RBM26: variants seen among roughly 807,000 people sequenced by gnomAD.
RBM26 encodes RNA binding motif protein 26.
Under a neutral mutation model 123.6 loss-of-function variants are expected in RBM26, and 30 were observed. That is an observed-to-expected ratio of 0.24 (90% CI 0.18 to 0.33). The LOEUF (loss-of-function observed/expected upper bound fraction) is 0.33, where lower values mean the gene tolerates loss of function less well. Ranked by LOEUF, RBM26 falls within the 10% of genes least tolerant of loss-of-function variation. The pLI is 1.00. For missense variants in RBM26, 947 were observed against 1,203.6 expected (o/e 0.79, Z 3.15); for synonymous variants, 400 against 404.4 (o/e 0.99, Z 0.13).
chr13:79,373,338 TATTA>T (rs1178976508), intron 3 of RBM26, among the ~76,000 whole-genome samples: 8 of 105,228 alleles, frequency 7.6e-5, no homozygotes, highest in Admixed American at 1.4e-4. Flanking sequence ...ATAAAATATA[TATTA>T]TATATAAATA....
At chr13:79,327,260 C>T (rs2068570033) in intron 20 of RBM26, among the ~76,000 whole-genome samples, 1 of 147,860 alleles carries the variant, frequency 6.8e-6, no homozygotes, top group African/African-American at 2.5e-5. Context: ...CAGACCACTG[C>T]ACTCTAGCCT....
At chr13:79,395,579 A>C (rs1167726753) in intron 1 of RBM26, among the ~76,000 whole-genome samples, 1 of 152,046 alleles carries the variant, frequency 6.6e-6, no homozygotes, top group Non-Finnish European at 1.5e-5. Context: ...ATCTCTACAA[A>C]AAAAAATAAA....
chr13:79,394,362 C>A (rs1251636827), intron 1 of RBM26, among the ~76,000 whole-genome samples: 2 of 152,148 alleles, frequency 1.3e-5, no homozygotes, highest in East Asian at 3.9e-4. Flanking sequence ...AAGAGAAATT[C>A]TTCTGCCATT....
intron 1 of RBM26, among the ~76,000 whole-genome samples, chr13:79,385,825 A>C (rs1376871385): frequency 6.6e-6 from 1 of 152,102 alleles, no homozygotes; most frequent in Non-Finnish European, 1.5e-5. Flanking sequence ...AAATCATATC[A>C]CCAGGACTCT....
At chr13:79,380,968 A>G (rs1407887713) in intron 1 of RBM26, among the ~76,000 whole-genome samples, 1 of 152,140 alleles carries the variant, frequency 6.6e-6, no homozygotes, top group Non-Finnish European at 1.5e-5. Context: ...AAAGAATGAT[A>G]TAATTGTTTA....
At chr13:79,359,169 C>G (rs1231819593) in intron 10 of RBM26, among the ~76,000 whole-genome samples, 1 of 152,096 alleles carries the variant, frequency 6.6e-6, no homozygotes, top group Non-Finnish European at 1.5e-5. Context: ...CCTCTCCAAC[C>G]CCCACAAAAG....
chr13:79,351,940 G>A (rs577359098), intron 14 of RBM26, among the ~76,000 whole-genome samples: 1 of 152,086 alleles, frequency 6.6e-6, no homozygotes, highest in South Asian at 2.1e-4. Context: ...AAAAAGAAGT[G>A]GTCTACAAAC....
downstream of RBM26, chr13:79,314,323 A>G (rs1034750397): frequency 1.3e-5 from 2 of 151,822 alleles, no homozygotes; most frequent in Non-Finnish European, 3.0e-5. Flanking sequence ...TAAAATATTT[A>G]TAATCCACAG....
intron 1 of RBM26, among the ~76,000 whole-genome samples, chr13:79,381,850 A>G (rs1337608777): frequency 6.8e-6 from 1 of 147,882 alleles, no homozygotes; most frequent in East Asian, 2.0e-4. Context: ...ATACAGTTCT[A>G]AATCCTTGAA....
downstream of RBM26, among the ~76,000 whole-genome samples, chr13:79,318,157 C>T (rs1397122393): frequency 6.6e-6 from 1 of 151,168 alleles, no homozygotes; most frequent in East Asian, 1.9e-4. Context: ...TAATTTTGTG[C>T]AGTATCTTTG....
chr13:79,374,324 C>T (rs932028110), intron 3 of RBM26, among the ~76,000 whole-genome samples: 2 of 152,000 alleles, frequency 1.3e-5, no homozygotes, highest in African/African-American at 4.8e-5. Context: ...CAAAAATTAG[C>T]TGGGCATGGT....
At chr13:79,333,318 T>C (rs966515421) in intron 20 of RBM26, among the ~76,000 whole-genome samples, 32 of 152,142 alleles carry the variant, frequency 2.1e-4, no homozygotes, top group African/African-American at 7.0e-4. Flanking sequence ...AATAATATAC[T>C]ACCCCCTACC....
At chr13:79,364,678 A>AGCACTCTAGATGTAGG (rs577732782) in intron 9 of RBM26, among the ~76,000 whole-genome samples, 7,323 of 151,642 alleles carry the variant, frequency 0.048, 558 homozygotes, top group African/African-American at 0.15. Context: ...TCTCTAGTGT[A>AGCACTCTAGATGTAGG]GCACTCTAGA....
chr13:79,365,885 T>C lies in RBM26; in HGVS notation c.1277-167A>G. The C allele has an allele frequency of 4.2e-6, 4 of 956,462 alleles. No individual in the cohort carries two copies. In the South Asian group the frequency reaches 7.9e-5, roughly 19 times the overall value. 59.2% of individuals were successfully genotyped at this position (956,462 alleles called of 1,614,324 possible). A position where few individuals can be genotyped will look rare whatever the true frequency, so the allele number is the denominator to read the frequency against. On this transcript the variant is annotated intron_variant, in intron 8 of 21. Coordinates refer to ENST00000438737, the MANE Select transcript of RBM26 (RefSeq NM_001366735.2). Reference sequence around the variant, plus strand: ...TTTAAAAAAGTTATTAAAAAGAAAATGTTTTTTTGAAAACATTCAAAACTG... The same window carrying C: ...TTTAAAAAAGTTATTAAAAAGAAAACGTTTTTTTGAAAACATTCAAAACTG...
intron 20 of RBM26, among the ~76,000 whole-genome samples, chr13:79,325,648 T>C (rs537259660): frequency 6.6e-6 from 1 of 152,252 alleles, no homozygotes; most frequent in East Asian, 1.9e-4. Flanking sequence ...AATTGTAAAG[T>C]TTAAAAGTAA....
intron 19 of RBM26, among the ~76,000 whole-genome samples, chr13:79,335,145 C>T (rs1038237163): frequency 2.8e-4 from 42 of 152,048 alleles, no homozygotes; most frequent in African/African-American, 9.2e-4. Context: ...CTAATTATCC[C>T]CCCCAAAAAT....
intron 1 of RBM26, among the ~76,000 whole-genome samples, chr13:79,401,405 A>G (rs2079042787): frequency 6.6e-6 from 1 of 152,218 alleles, no homozygotes; most frequent in Admixed American, 6.5e-5. Flanking sequence ...GTAGTAAATT[A>G]AGAATATGCA....
Position 79,319,707 on chromosome 13 carries a change from A to C in RBM26, c.*914T>G. Reference sequence around the variant, plus strand: ...ACTAATCAGCCTGCTTTTAAATTTTAAGACATTTGTTGAAAATTTATAGGA... The same window carrying C: ...ACTAATCAGCCTGCTTTTAAATTTTCAGACATTTGTTGAAAATTTATAGGA... On this transcript the variant is annotated 3_prime_UTR_variant, in exon 22 of 22. Transcript: ENST00000438737. 1 of 983,560 alleles carries C rather than the reference A, an allele frequency of 1.0e-6. No individual in the cohort carries two copies. The highest frequency in any genetic ancestry group is 1.2e-6 in the Non-Finnish European group (1 of 828,558). The allele number at this position is 983,560 out of a possible 1,614,324, so 60.9% of individuals were successfully genotyped here.
In RBM26 at chr13:79,387,365, T is replaced by TA. The variant is rs561794571; in HGVS notation, c.72-8459dup. ...TCTGGTTGCTATATTTTAAGTCCTA[T>TA]ATTACCTTTCAAACCTACTTTGTCC... On this transcript the variant is annotated intron_variant, in intron 1 of 21. Transcript: ENST00000438737. Among the ~76,000 whole-genome samples, 46 of 152,248 alleles carry TA rather than the reference T, an allele frequency of 3.0e-4. 2 individuals carry two copies. The South Asian group carries it at 9.5e-3, about 32-fold the overall frequency.
Sources: gnomAD v4.1 joint callset for allele counts (sites outside exome capture counted in the v4.1 genomes callset) on GRCh38, gnomAD v4.1.1 for gene constraint, MANE v1.5 for transcripts, NCBI Gene and HGNC (gene_info 2026-07-23, HGNC 2026-07-21) for gene names.